SNCAIP: variants seen among roughly 807,000 people sequenced by gnomAD.
SNCAIP encodes synuclein alpha interacting protein, also known as synphilin-1.
SNCAIP carries 43 observed loss-of-function variants against 86.7 expected under a neutral mutation model. That is an observed-to-expected ratio of 0.50 (90% CI 0.39 to 0.64). The LOEUF is 0.64. SNCAIP is among the 30% of genes least tolerant of loss of function. SNCAIP has a pLI of 0.00. For missense variants in SNCAIP, 981 were observed against 1,103.1 expected (o/e 0.89, Z 1.57); for synonymous variants, 417 against 427.2 (o/e 0.98, Z 0.29).
chr5:122,354,185 A>G (rs770699613), intron 1 of SNCAIP, among the ~76,000 whole-genome samples: 1 of 152,172 alleles, frequency 6.6e-6, no homozygotes, highest in Non-Finnish European at 1.5e-5. Flanking sequence ...TTGAGTTTAC[A>G]CTTCCTTGAT....
At chr5:122,337,063 C>T (rs1756626703) in intron 1 of SNCAIP, among the ~76,000 whole-genome samples, 1 of 152,126 alleles carries the variant, frequency 6.6e-6, no homozygotes, top group Non-Finnish European at 1.5e-5. Flanking sequence ...CAAAATGTGG[C>T]AGGAGTCAGA....
At chr5:122,335,714 T>C (rs890970205) in intron 1 of SNCAIP, among the ~76,000 whole-genome samples, 3 of 152,166 alleles carry the variant, frequency 2.0e-5, no homozygotes, top group Non-Finnish European at 4.4e-5. Flanking sequence ...AGCCAACCCA[T>C]GGAGAGCTCT....
At chr5:122,325,563 T>G (rs181337122) in intron 1 of SNCAIP, among the ~76,000 whole-genome samples, 1 of 152,166 alleles carries the variant, frequency 6.6e-6, no homozygotes, top group African/African-American at 2.4e-5. Flanking sequence ...CAAATGCCCT[T>G]TTTACTAAAC....
intron 8 of SNCAIP, among the ~76,000 whole-genome samples, chr5:122,445,395 A>G (rs889523497): frequency 2.0e-5 from 3 of 152,136 alleles, no homozygotes; most frequent in African/African-American, 4.8e-5. Flanking sequence ...GGAGATTGTC[A>G]TAATATGCTT....
chr5:122,373,589 T>G (rs1379267029), intron 1 of SNCAIP, among the ~76,000 whole-genome samples: 8 of 152,210 alleles, frequency 5.3e-5, no homozygotes, highest in Admixed American at 3.9e-4. Flanking sequence ...GAAACACGTT[T>G]GTTTTATTCT....
At chr5:122,322,923 G>A (rs1437097855) in intron 1 of SNCAIP, among the ~76,000 whole-genome samples, 1 of 152,116 alleles carries the variant, frequency 6.6e-6, no homozygotes, top group Non-Finnish European at 1.5e-5. Flanking sequence ...GTGCCTCTTT[G>A]CAACTAAAAT....
chr5:122,415,823 C>T (rs909299759), intron 3 of SNCAIP, among the ~76,000 whole-genome samples: 24 of 152,178 alleles, frequency 1.6e-4, no homozygotes, highest in African/African-American at 5.8e-4. Context: ...GTATCTCTCC[C>T]TACATTTCCT....
intron 1 of SNCAIP, among the ~76,000 whole-genome samples, chr5:122,364,514 C>CT (rs1762784443): frequency 6.6e-6 from 1 of 152,162 alleles, no homozygotes; most frequent in South Asian, 2.1e-4. Context: ...AGATGGAAGA[C>CT]TTTAACTGGA....
chr5:122,417,793 A>G (rs1775619131), intron 3 of SNCAIP, among the ~76,000 whole-genome samples: 1 of 152,048 alleles, frequency 6.6e-6, no homozygotes, highest in African/African-American at 2.4e-5. Context: ...GGTCCCCAGT[A>G]TCTTCAAGGC....
At chr5:122,421,327 G>T (rs930375533) in intron 3 of SNCAIP, among the ~76,000 whole-genome samples, 4 of 152,216 alleles carry the variant, frequency 2.6e-5, no homozygotes, top group African/African-American at 7.2e-5. Context: ...AGAACTCACT[G>T]ATAGTTATAT....
chr5:122,415,615 C>T (rs1775143231), intron 3 of SNCAIP, among the ~76,000 whole-genome samples: 1 of 152,186 alleles, frequency 6.6e-6, no homozygotes, highest in South Asian at 2.1e-4. Flanking sequence ...CCTGTGCTGT[C>T]AGCCTCCTGT....
intron 1 of SNCAIP, among the ~76,000 whole-genome samples, chr5:122,328,159 G>T (rs1251185838): frequency 1.3e-5 from 2 of 152,178 alleles, no homozygotes; most frequent in Non-Finnish European, 2.9e-5. Flanking sequence ...ATTGCAGTAA[G>T]AGAAAGCTTA....
chr5:122,376,915 G>A (rs544568081), intron 1 of SNCAIP, among the ~76,000 whole-genome samples: 17 of 152,206 alleles, frequency 1.1e-4, no homozygotes, highest in South Asian at 4.2e-4. Flanking sequence ...CTGGGAGGCC[G>A]TCTATTCCTC....
chr5:122,319,214 T>G (rs560316045), intron 1 of SNCAIP, among the ~76,000 whole-genome samples: 1 of 152,012 alleles, frequency 6.6e-6, no homozygotes, highest in African/African-American at 2.4e-5. Flanking sequence ...GCTGCCTTCT[T>G]TGGTCATCAA....
At chr5:122,419,633 C>G (rs1270619542) in intron 3 of SNCAIP, among the ~76,000 whole-genome samples, 1 of 152,142 alleles carries the variant, frequency 6.6e-6, no homozygotes, top group Non-Finnish European at 1.5e-5. Context: ...AGACTCTGCT[C>G]TCATGGAACT....
intron 1 of SNCAIP, among the ~76,000 whole-genome samples, chr5:122,369,034 G>T (rs968270055): frequency 1.3e-5 from 2 of 152,082 alleles, no homozygotes; most frequent in African/African-American, 4.8e-5. Context: ...GATCGTCTTT[G>T]GTCAGACCAG....
chr5:122,451,495 C>T lies in SNCAIP; in HGVS notation c.2648C>T (p.Ala883Val), dbSNP rs779685403. The T allele has an allele frequency of 1.9e-6, 3 of 1,613,710 alleles. No individual in the cohort carries two copies. Among genetic ancestry groups the T allele is most frequent in the Admixed American group, 1.7e-5 (1 of 60,000 alleles). ...GNQNNNNNYQ[A>V]ANQLKTSTLP... ...CAAAACAATAATAATAACTACCAGG[C>T]AGCCAACCAGCTGAAAACCTCTACA... The change falls in exon 10 of 11, where the codon GCA becomes GTA. Residue 883 changes from alanine to valine, a missense_variant. By Grantham distance (64) the Ala-to-Val change is moderately conservative (BLOSUM62 0). Coordinates refer to ENST00000261368, the MANE Select transcript of SNCAIP (RefSeq NM_005460.4).
chr5:122,452,853 T>A, intron 10 of SNCAIP: 1 of 935,702 alleles, frequency 1.1e-6, no homozygotes. Flanking sequence ...GCATGCTTCA[T>A]GTTTACTGGG....
chr5:122,422,715 ATTT>A (rs151183587), intron 3 of SNCAIP, among the ~76,000 whole-genome samples, 150 bp from the exon 4 acceptor site: 1 of 151,910 alleles, frequency 6.6e-6, no homozygotes, highest in African/African-American at 2.4e-5. Flanking sequence ...GGTAAGTATG[ATTT>A]TTTTTGTTCT....
Sources: allele counts gnomAD v4.1 joint callset (sites outside exome capture counted in the v4.1 genomes callset), GRCh38; gene constraint gnomAD v4.1.1; transcripts MANE v1.5; gene names NCBI Gene and HGNC (gene_info 2026-07-23, HGNC 2026-07-21).